Variants in KMT2C observed in about 807,000 individuals in gnomAD.
KMT2C encodes the protein histone-lysine N-methyltransferase 2C.
A neutral mutation model predicts 507.9 loss-of-function variants in KMT2C; 88 were observed. The ratio of observed to expected loss-of-function variants is 0.17; its 90% CI spans 0.15 to 0.21. The LOEUF (loss-of-function observed/expected upper bound fraction) is 0.21. Among genes scored for constraint, KMT2C ranks in the 10% least tolerant of loss-of-function variants. The probability of loss-of-function intolerance (pLI) is 1.00; values close to 1 mark genes in which losing one functional copy is unlikely to be tolerated. For missense variants in KMT2C, 4,954 were observed against 5,957.8 expected (o/e 0.83, Z 5.55); for synonymous variants, 2,049 against 2,080.8 (o/e 0.98, Z 0.42).
chr7:152,300,195 G>A (rs2096554278), intron 6 of KMT2C, among the ~76,000 whole-genome samples: 1 of 152,192 alleles, frequency 6.6e-6, no homozygotes, highest in Admixed American at 6.5e-5. Context: ...AAAACTCTAT[G>A]CAAACAAAAA....
intron 2 of KMT2C, among the ~76,000 whole-genome samples, chr7:152,346,943 C>G (rs913436439): frequency 6.6e-6 from 1 of 152,020 alleles, no homozygotes; most frequent in African/African-American, 2.4e-5. Context: ...CTGGCTAACA[C>G]GGTGAAACCC....
intron 3 of KMT2C, among the ~76,000 whole-genome samples, chr7:152,329,273 A>C (rs1416572417): frequency 1.3e-5 from 2 of 152,188 alleles, no homozygotes; most frequent in East Asian, 3.8e-4. Flanking sequence ...TGGTTCAAGA[A>C]GATGAGAGAG....
intron 1 of KMT2C, among the ~76,000 whole-genome samples, chr7:152,373,547 A>G (rs1308589803): frequency 6.6e-6 from 1 of 152,230 alleles, no homozygotes; most frequent in African/African-American, 2.4e-5. Context: ...ATGTTGTGTC[A>G]TTAAGCTAAG....
chr7:152,244,465 T>C (rs1188810056), intron 14 of KMT2C, among the ~76,000 whole-genome samples: 1 of 152,156 alleles, frequency 6.6e-6, no homozygotes, highest in African/African-American at 2.4e-5. Flanking sequence ...AAGGATCGCT[T>C]GAGGCCAGGA....
chr7:152,169,208 T>G lies in KMT2C; in HGVS notation c.9495A>C (p.Pro3165=). The G allele has an allele frequency of 6.2e-7, 1 of 1,601,568 alleles. No homozygotes were observed. The highest frequency in any genetic ancestry group is 2.2e-5 in the East Asian group (1 of 44,788). ...TACTGACAAAGCCTGGACCAAAATT[T>G]GGAGGATTAGGCCTAGAAATCTGAT... is the stretch of plus-strand genomic sequence containing the variant. ...ITHQISRPNP[P]NFGPGFVNDS... Residue 3165 remains proline, a synonymous_variant, in exon 41 of 59, where the codon CCA becomes CCC. Transcript: ENST00000262189.
At chr7:152,145,959 T>A (rs1192301080) in intron 53 of KMT2C, among the ~76,000 whole-genome samples, 1 of 152,222 alleles carries the variant, frequency 6.6e-6, no homozygotes, top group Non-Finnish European at 1.5e-5. Context: ...AAGAAAACAA[T>A]TAGGCACATT....
At position 152,148,329 on chromosome 7, in the gene KMT2C, C is replaced by T. The variant is rs769432614; in HGVS notation, c.13598G>A (p.Arg4533Gln). ...TCGTTGCACGATGCTAGCAATCTGT[C>T]GCACCTCATCACGCTGAACATAGAC... The part of the protein sequence containing the change: ...RRVYVQRDEV[R>Q]QIASIVQRGE... Residue 4533 changes from arginine (R) to glutamine (Q), a missense_variant, in exon 52 of 59, where the codon CGA becomes CAA. Physicochemically the swap from Arg to Gln is conservative, Grantham distance 43. Transcript: ENST00000262189. The surrounding 1 kb of genome is among the most constrained non-coding windows in gnomAD (Gnocchi z 7.1). 26 of 1,614,218 alleles carry T rather than the reference C, an allele frequency of 1.6e-5. No individual in the cohort carries two copies. The highest frequency in any genetic ancestry group is 2.2e-5 in the South Asian group (2 of 91,082).
At chr7:152,164,254 T>G (rs1473565317) in intron 42 of KMT2C, among the ~76,000 whole-genome samples, 1 of 152,188 alleles carries the variant, frequency 6.6e-6, no homozygotes, top group Non-Finnish European at 1.5e-5. Context: ...CATTTAAATG[T>G]TAAGATTTCA....
chr7:152,427,996 G>A lies in KMT2C; in HGVS notation c.161+7630C>T, dbSNP rs1473049981. Among the ~76,000 whole-genome samples, 4 of 152,002 alleles carry A rather than the reference G, an allele frequency of 2.6e-5. No individual in the cohort carries two copies. The East Asian group carries it at 7.7e-4, about 29-fold the overall frequency. On this transcript the variant is annotated intron_variant, in intron 1 of 58. Coordinates refer to ENST00000262189, the MANE Select transcript of KMT2C (RefSeq NM_170606.3). ...TAACAGCCTATTATCTCTGCCTCCAGGTAACTCCTGTCTCCATATTATTAC... is the reference window on the plus strand; with the variant it reads ...TAACAGCCTATTATCTCTGCCTCCAAGTAACTCCTGTCTCCATATTATTAC...
intron 6 of KMT2C, among the ~76,000 whole-genome samples, chr7:152,287,391 T>C (rs1157643858): frequency 6.6e-6 from 1 of 152,224 alleles, no homozygotes; most frequent in East Asian, 1.9e-4. Flanking sequence ...CAGCATTTAC[T>C]AGGTGTACGT....
At chr7:152,291,158 T>C (rs1255694468) in intron 6 of KMT2C, among the ~76,000 whole-genome samples, 1 of 152,198 alleles carries the variant, frequency 6.6e-6, no homozygotes, top group Non-Finnish European at 1.5e-5. Context: ...AGTATTTGAC[T>C]TAATAGTTGA....
chr7:152,375,167 T>C (rs1333170243), intron 1 of KMT2C, among the ~76,000 whole-genome samples: 1 of 151,884 alleles, frequency 6.6e-6, no homozygotes, highest in Non-Finnish European at 1.5e-5. Context: ...CTCAGCCTCA[T>C]GAGTAGCTGA....
At chr7:152,431,323 G>A (rs1272434037) in intron 1 of KMT2C, among the ~76,000 whole-genome samples, 1 of 152,010 alleles carries the variant, frequency 6.6e-6, no homozygotes, top group Non-Finnish European at 1.5e-5. Flanking sequence ...CCTGGGCCAG[G>A]TGCGGTGTTT....
At chr7:152,190,108 T>C (rs930825975) in intron 31 of KMT2C, among the ~76,000 whole-genome samples, 1 of 152,182 alleles carries the variant, frequency 6.6e-6, no homozygotes, top group African/African-American at 2.4e-5. Context: ...AACAGTTTCA[T>C]CGCAAAACCA....
chr7:152,222,695 T>G lies in KMT2C; in HGVS notation c.3324-13A>C, dbSNP rs376396976. 2 of 1,468,588 alleles carry G rather than the reference T, an allele frequency of 1.4e-6. No individual in the cohort carries two copies. The highest frequency in any genetic ancestry group is 2.8e-5 in the African/African-American group (2 of 71,988). 91.0% of individuals were successfully genotyped at this position (1,468,588 alleles called of 1,614,324 possible). A position where few individuals can be genotyped will look rare whatever the true frequency, so the allele number is the denominator to read the frequency against. ...TGCATGCATCCATCTAAAAAGACCATATTTGTACATTTTTTTTAAAAAATG... is the reference window on the plus strand; with the variant it reads ...TGCATGCATCCATCTAAAAAGACCAGATTTGTACATTTTTTTTAAAAAATG... On this transcript the variant is annotated splice_polypyrimidine_tract_variant and intron_variant, in intron 20 of 58. Transcript: ENST00000262189.
chr7:152,146,033 C>G (rs183562147), intron 53 of KMT2C, among the ~76,000 whole-genome samples: 2 of 152,280 alleles, frequency 1.3e-5, no homozygotes, highest in East Asian at 3.9e-4. Context: ...TATTTTTATT[C>G]TTGAAAACAA....
chr7:152,190,009 T>C (rs1280159065), intron 31 of KMT2C, among the ~76,000 whole-genome samples: 2 of 152,146 alleles, frequency 1.3e-5, no homozygotes, highest in South Asian at 2.1e-4. Flanking sequence ...AGTGGCGGTA[T>C]TAGATTCTCA....
At chr7:152,317,953 C>T (rs2129204120) in intron 3 of KMT2C, among the ~76,000 whole-genome samples, 1 of 152,118 alleles carries the variant, frequency 6.6e-6, no homozygotes. Flanking sequence ...GCCCAGCCAA[C>T]ATGGTGAAAC....
intron 53 of KMT2C, among the ~76,000 whole-genome samples, chr7:152,146,077 G>T (rs2091070694): frequency 6.6e-6 from 1 of 152,154 alleles, no homozygotes; most frequent in Non-Finnish European, 1.5e-5. Flanking sequence ...TAAAACTATT[G>T]TGTAGATATG....
Sources: allele counts gnomAD v4.1 joint callset (sites outside exome capture counted in the v4.1 genomes callset), GRCh38; gene constraint gnomAD v4.1.1; non-coding constraint Gnocchi (gnomAD v3.1); transcripts MANE v1.5; gene names NCBI Gene and HGNC (gene_info 2026-07-23, HGNC 2026-07-21).